The following XCR1 variants were observed in gnomAD, a reference collection of about 807,000 sequenced individuals.
XCR1 encodes the protein chemokine XC receptor 1.
For missense variants in XCR1, 356 were observed against 424.2 expected, an observed-to-expected ratio of 0.84 and a Z score of 1.41; for synonymous variants, 187 against 188.5, an observed-to-expected ratio of 0.99 and a Z score of 0.06.
At chr3:46,063,782 ACCT>A (rs1362931474) in intron 4 of XCR1, among the ~76,000 whole-genome samples, 2 of 152,004 alleles carry the variant, frequency 1.3e-5, no homozygotes, top group African/African-American at 4.8e-5. Flanking sequence ...TTAAATGTTA[ACCT>A]CCTAAACATG....
intron 1 of XCR1, 139 bp from the exon 2 acceptor site, chr3:46,022,117 T>C: frequency 2.8e-6 from 2 of 702,966 alleles, no homozygotes; most frequent in Non-Finnish European, 4.6e-6. Flanking sequence ...CCAGGCAATA[T>C]AGTGACACCC....
intron 4 of XCR1, among the ~76,000 whole-genome samples, chr3:46,056,656 A>AT (rs61471538): frequency 7.6e-4 from 93 of 123,028 alleles, no homozygotes; most frequent in Middle Eastern, 8.0e-3. Context: ...GTATTTATTT[A>AT]TTTTTTTTTT....
intron 1 of XCR1, among the ~76,000 whole-genome samples, chr3:46,081,443 A>G (rs757892356): frequency 2.6e-5 from 4 of 152,206 alleles, no homozygotes; most frequent in Admixed American, 6.5e-5. Context: ...GATATCCTCC[A>G]TTACTGCCAC....
At chr3:46,065,332 A>C (rs897560794) in intron 4 of XCR1, among the ~76,000 whole-genome samples, 1 of 152,016 alleles carries the variant, frequency 6.6e-6, no homozygotes, top group African/African-American at 2.4e-5. Context: ...CCCCTTAGGG[A>C]CTGTTACCTG....
At chr3:46,084,614 T>C (rs904813630) in intron 1 of XCR1, among the ~76,000 whole-genome samples, 21 of 152,230 alleles carry the variant, frequency 1.4e-4, no homozygotes, top group Non-Finnish European at 2.8e-4. Flanking sequence ...AGCTCACTCC[T>C]TGCTTTCTTT....
Position 46,053,417 on chromosome 3 carries a change from G to A in XCR1, c.-32+503C>T, listed in dbSNP as rs113976435. 1.7e-3 allele frequency among the ~76,000 whole-genome samples: 261 copies of A among 151,474 alleles called. 1 individual carries two copies. The highest frequency in any genetic ancestry group is 6.8e-3 in the Middle Eastern group (2 of 294). Reference sequence around the variant, plus strand: ...CTCTGTTTCTGCCACCGAAGGAGGCGGTACAGATGTTTCTGCAACTGGAGG... The same window carrying A: ...CTCTGTTTCTGCCACCGAAGGAGGCAGTACAGATGTTTCTGCAACTGGAGG... On this transcript the variant is annotated intron_variant, in intron 5 of 5. Coordinates refer to the XCR1 transcript ENST00000683768.
upstream of XCR1, among the ~76,000 whole-genome samples, chr3:46,029,658 T>TA (rs1001120512): frequency 1.3e-5 from 2 of 152,218 alleles, no homozygotes; most frequent in East Asian, 1.9e-4. Flanking sequence ...ATGCAAGGGC[T>TA]AAAAAACCTA....
intron 1 of XCR1, chr3:46,023,417 T>C: frequency 6.8e-7 from 1 of 1,472,506 alleles, no homozygotes; most frequent in Non-Finnish European, 9.5e-7. Context: ...GCGGCATATC[T>C]TTCTGAAGCC....
chr3:46,085,780 T>C (rs1216139304), intron 1 of XCR1, among the ~76,000 whole-genome samples: 1 of 152,234 alleles, frequency 6.6e-6, no homozygotes, highest in East Asian at 1.9e-4. Context: ...AACCTTGGTG[T>C]AGGGCCTCCT....
At chr3:46,038,317 C>T (rs1697474625) in intron 5 of XCR1, among the ~76,000 whole-genome samples, 1 of 151,932 alleles carries the variant, frequency 6.6e-6, no homozygotes, top group South Asian at 2.1e-4. Flanking sequence ...CGTGCCTGGC[C>T]GTGTGTGTGT....
In XCR1 at chr3:46,021,154, A is replaced by T; in HGVS notation, c.794T>A (p.Leu265Gln). The T allele has an allele frequency of 1.2e-6, 2 of 1,614,246 alleles. No homozygotes were observed. The highest frequency in any genetic ancestry group is 2.2e-5 in the South Asian group (2 of 91,092). ...IIRSCEAKQQ[L>Q]EYALLICRNL... ...GCGGCAGATGAGCAGGGCGTATTCT[A>T]GCTGCTGTTTGGCCTCGCAGCTCCG... Residue 265 changes from leucine to glutamine, a missense_variant, in exon 2 of 2, where the codon CTA becomes CAA. Physicochemically the swap from Leu to Gln is moderately radical, Grantham distance 113. Transcript: ENST00000309285. The surrounding 1 kb of genome is among the most constrained non-coding windows in gnomAD (Gnocchi z 4.7).
At chr3:46,082,693 T>C (rs1046025933) in intron 1 of XCR1, among the ~76,000 whole-genome samples, 3 of 152,016 alleles carry the variant, frequency 2.0e-5, no homozygotes, top group African/African-American at 4.8e-5. Context: ...TCTTGCTATG[T>C]TGACCACACT....
At chr3:46,059,974 C>T (rs71327014) in intron 4 of XCR1, among the ~76,000 whole-genome samples, 13,728 of 152,220 alleles carry the variant, frequency 0.09, 1,004 homozygotes, top group South Asian at 0.34. Context: ...TACCTTGTAA[C>T]TTAAATACTA....
chr3:46,068,781 CGT>C (rs10583362), intron 3 of XCR1, among the ~76,000 whole-genome samples: 50,765 of 150,096 alleles, frequency 0.34, 10,184 homozygotes, highest in East Asian at 0.65. Flanking sequence ...ACATCATGGA[CGT>C]GTGTGTGTGT....
intron 5 of XCR1, among the ~76,000 whole-genome samples, chr3:46,043,141 T>C (rs1697564722): frequency 6.6e-6 from 1 of 151,956 alleles, no homozygotes; most frequent in Admixed American, 6.6e-5. Context: ...ATAAAAACAC[T>C]CAGTAAATTA....
At chr3:46,046,750 T>C (rs1430450007) in intron 5 of XCR1, among the ~76,000 whole-genome samples, 2 of 152,326 alleles carry the variant, frequency 1.3e-5, no homozygotes, top group Middle Eastern at 3.4e-3. Flanking sequence ...GTGCTTTAGA[T>C]AGGTCCAAGG....
At chr3:46,043,267 C>A (rs1697567006) in intron 5 of XCR1, among the ~76,000 whole-genome samples, 1 of 151,908 alleles carries the variant, frequency 6.6e-6, no homozygotes, top group Admixed American at 6.6e-5. Context: ...ATGGAGAAAC[C>A]CCGTCTCTAC....
Position 46,021,283 on chromosome 3 carries a change from C to T in XCR1, c.665G>A (p.Arg222His), listed in dbSNP as rs757552327. The change falls in exon 2 of 2, where the codon CGC becomes CAC. Residue 222 changes from arginine to histidine, a missense_variant. Physicochemically the swap from Arg to His is conservative, Grantham distance 29. Coordinates refer to ENST00000309285, the MANE Select transcript of XCR1 (RefSeq NM_001024644.2). This position sits in a 1 kb window ranked among gnomAD's most constrained non-coding sequence, Gnocchi z 4.7. ...LFRSRSKRRH[R>H]TVKLIFAIVV... The stretch of plus-strand genomic sequence containing the variant: ...GATGGCGAAGATGAGCTTGACCGTG[C>T]GGTGGCGCCGCTTGGAGCGTGAGCG... The T allele has an allele frequency of 1.5e-5, 25 of 1,614,180 alleles. No homozygotes were observed. The highest frequency in any genetic ancestry group is 2.2e-5 in the South Asian group (2 of 91,080).
At chr3:46,085,013 A>T (rs1698447999) in intron 1 of XCR1, among the ~76,000 whole-genome samples, 1 of 152,096 alleles carries the variant, frequency 6.6e-6, no homozygotes, top group East Asian at 1.9e-4. Flanking sequence ...TCCCCAAGGC[A>T]ACTTGGAAGG....
Sources: allele counts gnomAD v4.1 joint callset (sites outside exome capture counted in the v4.1 genomes callset), GRCh38; gene constraint gnomAD v4.1.1; non-coding constraint Gnocchi (gnomAD v3.1); transcripts MANE v1.5; gene names NCBI Gene and HGNC (gene_info 2026-07-23, HGNC 2026-07-21).